SCN3A: variants seen among roughly 807,000 people sequenced by gnomAD.
The protein encoded by SCN3A is sodium voltage-gated channel alpha subunit 3.
A neutral mutation model predicts 187.6 loss-of-function variants in SCN3A; 60 were observed. The observed-to-expected ratio is 0.32, with a 90% confidence interval of 0.26 to 0.40. SCN3A has a LOEUF of 0.40. Ranked by LOEUF, SCN3A falls within the 10% of genes least tolerant of loss-of-function variation. SCN3A has a pLI of 1.00. For missense variants in SCN3A, 1,601 were observed against 2,428.2 expected (o/e 0.66, Z 7.16); for synonymous variants, 788 against 829.2 (o/e 0.95, Z 0.85).
At chr2:165,183,925 T>C (rs574698926) in intron 2 of SCN3A, among the ~76,000 whole-genome samples, 11 of 152,312 alleles carry the variant, frequency 7.2e-5, no homozygotes, top group African/African-American at 2.4e-4. Flanking sequence ...TGTGAGTTGC[T>C]GTGAAGGACT....
chr2:165,154,411 A>T, intron 11 of SCN3A, 41 bp downstream of exon 11: 1 of 1,592,244 alleles, frequency 6.3e-7, no homozygotes, highest in Non-Finnish European at 8.6e-7. Context: ...CTTAGAAACT[A>T]ATAATAATAA....
At chr2:165,122,230 C>CTTTCT (rs1686718745) in intron 18 of SCN3A, among the ~76,000 whole-genome samples, 1 of 113,918 alleles carries the variant, frequency 8.8e-6, no homozygotes, top group African/African-American at 3.4e-5. Context: ...TTCTTTCTTT[C>CTTTCT]TTTTTTTTCT....
intron 3 of SCN3A, among the ~76,000 whole-genome samples, chr2:165,175,543 A>G (rs1690397107): frequency 6.6e-6 from 1 of 152,030 alleles, no homozygotes; most frequent in South Asian, 2.1e-4. Flanking sequence ...TTTTAATGGT[A>G]TACATGATCC....
intron 7 of SCN3A, 62 bp from the exon 8 acceptor site, chr2:165,162,890 G>T: frequency 6.4e-7 from 1 of 1,568,834 alleles, no homozygotes; most frequent in Non-Finnish European, 8.8e-7. Context: ...TTTCTTAATA[G>T]TCACACACAT....
intron 1 of SCN3A, among the ~76,000 whole-genome samples, chr2:165,188,483 C>T (rs1691376715): frequency 6.6e-6 from 1 of 152,130 alleles, no homozygotes; most frequent in African/African-American, 2.4e-5. Flanking sequence ...TTCTGAACTT[C>T]AGTGAGCATA....
chr2:165,184,003 T>C (rs1424299237), intron 2 of SCN3A, among the ~76,000 whole-genome samples: 3 of 152,132 alleles, frequency 2.0e-5, no homozygotes, highest in Non-Finnish European at 4.4e-5. Flanking sequence ...AGTAAGGGTA[T>C]AAGGTAAAAG....
intron 1 of SCN3A, among the ~76,000 whole-genome samples, chr2:165,197,469 T>A (rs1692035452): frequency 6.6e-6 from 1 of 152,066 alleles, no homozygotes; most frequent in Admixed American, 6.6e-5. Flanking sequence ...TTTTAAGTTT[T>A]CCAAATGATT....
chr2:165,175,971 G>A (rs1209994966), intron 3 of SCN3A, among the ~76,000 whole-genome samples, 160 bp downstream of exon 3: 2 of 151,976 alleles, frequency 1.3e-5, no homozygotes, highest in African/African-American at 4.8e-5. Flanking sequence ...TCTTATAAAT[G>A]TTTGTTTTAT....
At chr2:165,185,340 AG>A (rs1691164776) in intron 2 of SCN3A, among the ~76,000 whole-genome samples, 1 of 152,188 alleles carries the variant, frequency 6.6e-6, no homozygotes, top group African/African-American at 2.4e-5. Flanking sequence ...ATTCCATTCC[AG>A]ATGTTTCCTT....
At chr2:165,131,441 C>T (rs1172270658) in intron 15 of SCN3A, 24 bp from the exon 16 acceptor site, 1 of 1,559,932 alleles carries the variant, frequency 6.4e-7, no homozygotes, top group Non-Finnish European at 8.7e-7. Flanking sequence ...ATCAGCACTA[C>T]TTCAAGAGCA....
intron 9 of SCN3A, among the ~76,000 whole-genome samples, chr2:165,160,854 T>G (rs550185784): frequency 7.9e-4 from 120 of 152,274 alleles, no homozygotes; most frequent in African/African-American, 2.6e-3. Flanking sequence ...TTGGCCAGGC[T>G]GGTCTAGATC....
rs142913830 is a variant in SCN3A at position 165,176,094 on chromosome 2, AT to A, written c.264+36del. 6.9e-3 allele frequency: 10,977 copies of A among 1,598,982 alleles called. 659 individuals carry two copies. In the African/African-American group the frequency reaches 0.13, roughly 19 times the overall value. On this transcript the variant is annotated intron_variant, in intron 3 of 27. Transcript: ENST00000283254. Reference sequence around the variant, plus strand: ...AAAGTATATTACAGTTAAGAGTTTCATTAAAGATTTATTAGAAGTCTAAAAT... The same window carrying A: ...AAAGTATATTACAGTTAAGAGTTTCATAAAGATTTATTAGAAGTCTAAAAT...
At chr2:165,146,016 T>G (rs571062566) in intron 12 of SCN3A, among the ~76,000 whole-genome samples, 4 of 152,244 alleles carry the variant, frequency 2.6e-5, no homozygotes, top group African/African-American at 9.6e-5. Flanking sequence ...CTCTTTTACT[T>G]AAAACTATGC....
At chr2:165,191,248 G>A (rs1159354815) in intron 1 of SCN3A, among the ~76,000 whole-genome samples, 2 of 151,868 alleles carry the variant, frequency 1.3e-5, no homozygotes, top group Non-Finnish European at 2.9e-5. Context: ...ACAGAAGCCT[G>A]CAATTGCTTT....
In SCN3A at chr2:165,153,872, T is replaced by G. The variant is rs564926992; in HGVS notation, c.1380+580A>C. 1.6e-3 allele frequency among the ~76,000 whole-genome samples: 247 copies of G among 151,980 alleles called. 1 individual carries two copies. The highest frequency in any genetic ancestry group is 6.0e-3 in the African/African-American group (247 of 41,504). On this transcript the variant is annotated intron_variant, in intron 11 of 27. Transcript: ENST00000283254. Reference sequence around the variant, plus strand: ...TTTCCGTCTCTTCTCCTCAACACATTAATGTCCCATTCACTATACCCCTAG... The same window carrying G: ...TTTCCGTCTCTTCTCCTCAACACATGAATGTCCCATTCACTATACCCCTAG...
intron 21 of SCN3A, among the ~76,000 whole-genome samples, chr2:165,108,040 T>C (rs1005614884): frequency 1.3e-5 from 2 of 152,142 alleles, no homozygotes; most frequent in Non-Finnish European, 2.9e-5. Context: ...GAATAGTTGT[T>C]TCTAACTCAT....
chr2:165,131,855 G>A (rs1293680346), intron 15 of SCN3A, among the ~76,000 whole-genome samples: 1 of 148,828 alleles, frequency 6.7e-6, no homozygotes, highest in Non-Finnish European at 1.5e-5. Context: ...TGTGGTGTTT[G>A]GTTTTTTGTC....
chr2:165,177,967 C>G (rs956385741), intron 2 of SCN3A, among the ~76,000 whole-genome samples: 1 of 152,070 alleles, frequency 6.6e-6, no homozygotes, highest in Non-Finnish European at 1.5e-5. Flanking sequence ...GTGACATTTT[C>G]CCCATTCCTA....
At chr2:165,175,203 A>G in intron 3 of SCN3A, among the ~76,000 whole-genome samples, 1 of 152,342 alleles carries the variant, frequency 6.6e-6, no homozygotes, top group South Asian at 2.1e-4. Context: ...TCTATAAGTC[A>G]TCAACTCATG....
Sources: gnomAD v4.1 joint callset for allele counts (sites outside exome capture counted in the v4.1 genomes callset) on GRCh38, gnomAD v4.1.1 for gene constraint, MANE v1.5 for transcripts, NCBI Gene and HGNC (gene_info 2026-07-23, HGNC 2026-07-21) for gene names.